Variants in IL23R observed in about 807,000 individuals in gnomAD.
IL23R encodes the protein interleukin 23 receptor.
A neutral mutation model predicts 56.9 loss-of-function variants in IL23R; 34 were observed. The observed-to-expected ratio is 0.60, with a 90% CI of 0.45 to 0.80. The LOEUF is 0.80. Among genes scored for constraint, IL23R ranks in the 30% least tolerant of loss-of-function variants. The probability of loss-of-function intolerance (pLI) is 0.00; values close to 1 mark genes in which losing one functional copy is unlikely to be tolerated. For synonymous variants in IL23R, 230 were observed against 249.2 expected (o/e 0.92, Z 0.73); for missense variants, 635 against 730.0 (o/e 0.87, Z 1.50).
chr1:67,241,425 T>G (rs1465182627), intron 9 of IL23R, among the ~76,000 whole-genome samples: 1 of 152,222 alleles, frequency 6.6e-6, no homozygotes, highest in Non-Finnish European at 1.5e-5. Context: ...TTGGTTTGGT[T>G]TGGTCTGTTG....
intron 1 of IL23R, among the ~76,000 whole-genome samples, chr1:67,144,760 T>C (rs1001584408): frequency 3.3e-5 from 5 of 151,584 alleles, no homozygotes; most frequent in South Asian, 2.1e-4. Flanking sequence ...CCCTTCAGAT[T>C]TCTATCTTCC....
Position 67,182,908 on chromosome 1 carries a change from A to C in IL23R, c.440A>C (p.Asn147Thr). ...TCAGGCAACATGACTTGCACCTGGA[A>C]TGCTGGGAAGCTCACCTACATAGAC... Reference protein sequence around the residue: ...EYSGNMTCTWNAGKLTYIDTK... With the variant: ...EYSGNMTCTWTAGKLTYIDTK... Residue 147 changes from asparagine (N) to threonine (T), a missense_variant, in exon 4 of 11, where the codon AAT (asparagine) becomes ACT (threonine). Physicochemically the swap from Asn to Thr is moderately conservative, Grantham distance 65. Coordinates refer to ENST00000347310, the MANE Select transcript of IL23R (RefSeq NM_144701.3). 6.2e-7 allele frequency: 1 copy of C among 1,614,158 alleles called. No homozygotes were observed. Among genetic ancestry groups the C allele is most frequent in the Non-Finnish European group, 8.5e-7 (1 of 1,179,984 alleles).
intron 7 of IL23R, among the ~76,000 whole-genome samples, chr1:67,232,531 T>C (rs918955346): frequency 2.6e-5 from 4 of 152,236 alleles, no homozygotes; most frequent in African/African-American, 9.6e-5. Flanking sequence ...ATTTCCACTC[T>C]TCACCCTCTA....
chr1:67,213,125 G>A (rs1558246545), intron 6 of IL23R, among the ~76,000 whole-genome samples: 1 of 152,142 alleles, frequency 6.6e-6, no homozygotes, highest in Non-Finnish European at 1.5e-5. Context: ...CTCCCAAAAT[G>A]CTGAGATTAC....
At chr1:67,181,268 A>G (rs1647137452) in intron 3 of IL23R, among the ~76,000 whole-genome samples, 1 of 152,192 alleles carries the variant, frequency 6.6e-6, no homozygotes. Flanking sequence ...TTTCAGGTAC[A>G]CCAATCAGAC....
chr1:67,260,853 A>G (rs1224577590), downstream of IL23R, among the ~76,000 whole-genome samples: 2 of 152,146 alleles, frequency 1.3e-5, no homozygotes, highest in African/African-American at 4.8e-5. Flanking sequence ...GCTATGATCA[A>G]TGATCATGTG....
At chr1:67,239,396 G>A (rs1339067384) in intron 8 of IL23R, among the ~76,000 whole-genome samples, 6 of 152,006 alleles carry the variant, frequency 3.9e-5, no homozygotes, top group Non-Finnish European at 8.8e-5. Flanking sequence ...CCCAAGTAGC[G>A]GGGACTACAG....
At chr1:67,151,654 C>T (rs1646729433) in intron 1 of IL23R, among the ~76,000 whole-genome samples, 1 of 152,128 alleles carries the variant, frequency 6.6e-6, no homozygotes, top group South Asian at 2.1e-4. Flanking sequence ...GGTCCAGTTT[C>T]AATTTTCTGT....
intron 4 of IL23R, among the ~76,000 whole-genome samples, chr1:67,191,126 G>A (rs1481028940): frequency 4.6e-5 from 7 of 152,192 alleles, no homozygotes; most frequent in South Asian, 2.1e-4. Context: ...AACTGGGCCC[G>A]GAGAGCCACA....
At chr1:67,144,341 C>T (rs1438942540) in intron 1 of IL23R, among the ~76,000 whole-genome samples, 1 of 152,172 alleles carries the variant, frequency 6.6e-6, no homozygotes, top group African/African-American at 2.4e-5. Flanking sequence ...TTTATATTGG[C>T]ATTCCTTCTA....
intron 5 of IL23R, among the ~76,000 whole-genome samples, chr1:67,206,169 C>T (rs566981999): frequency 6.6e-6 from 1 of 152,012 alleles, no homozygotes; most frequent in Non-Finnish European, 1.5e-5. Flanking sequence ...ACCACCACCA[C>T]GCCGGGCTAA....
At chr1:67,249,859 C>A (rs1212760319) in intron 9 of IL23R, among the ~76,000 whole-genome samples, 1 of 152,048 alleles carries the variant, frequency 6.6e-6, no homozygotes, top group Non-Finnish European at 1.5e-5. Flanking sequence ...CATTTTGTAA[C>A]CCTTTACAAA....
intron 9 of IL23R, among the ~76,000 whole-genome samples, chr1:67,255,008 T>A (rs1043190965): frequency 3.3e-5 from 5 of 152,210 alleles, no homozygotes; most frequent in African/African-American, 1.2e-4. Context: ...TCCTTCTCCA[T>A]CCGCATCAAG....
chr1:67,214,987 GT>G (rs1409904627), intron 6 of IL23R, among the ~76,000 whole-genome samples: 2 of 152,130 alleles, frequency 1.3e-5, no homozygotes, highest in Admixed American at 6.6e-5. Context: ...GCCCTGTTTT[GT>G]TTCTCTCTGA....
At chr1:67,172,130 T>TG (rs1646951717) in intron 3 of IL23R, among the ~76,000 whole-genome samples, 2 of 152,206 alleles carry the variant, frequency 1.3e-5, no homozygotes, top group Non-Finnish European at 2.9e-5. Flanking sequence ...GCTGAATGTC[T>TG]TCTTGAGCTC....
intron 6 of IL23R, chr1:67,207,610 T>G (rs1294691238): frequency 2.6e-6 from 1 of 390,426 alleles, no homozygotes; most frequent in African/African-American, 2.1e-5. Flanking sequence ...CCGCTTTTGC[T>G]TCTTCCTCAT....
At chr1:67,156,591 C>T (rs988234930) in intron 1 of IL23R, among the ~76,000 whole-genome samples, 2 of 152,204 alleles carry the variant, frequency 1.3e-5, no homozygotes, top group Admixed American at 1.3e-4. Flanking sequence ...GTCCAAACCT[C>T]CCAGTCTCCT....
chr1:67,138,898 C>T (rs1419792977), upstream of IL23R: 1 of 152,354 alleles, frequency 6.6e-6, no homozygotes, highest in African/African-American at 2.4e-5. Context: ...CAGGGAGAAG[C>T]AGGTGACTAA....
chr1:67,176,523 T>G (rs1392497761), intron 3 of IL23R, among the ~76,000 whole-genome samples: 4 of 152,190 alleles, frequency 2.6e-5, no homozygotes, highest in African/African-American at 9.6e-5. Flanking sequence ...ATAAATTCCC[T>G]TTTCAGTGAA....
Sources: gnomAD v4.1 joint callset for allele counts (sites outside exome capture counted in the v4.1 genomes callset) on GRCh38, gnomAD v4.1.1 for gene constraint, MANE v1.5 for transcripts, NCBI Gene and HGNC (gene_info 2026-07-23, HGNC 2026-07-21) for gene names.